The following ACOT13 variants were observed in gnomAD, a reference collection of about 807,000 sequenced individuals.
The protein encoded by ACOT13 is acyl-CoA thioesterase 13.
In ACOT13, 10 loss-of-function variants were observed where a neutral mutation model predicts 11.8. That is an observed-to-expected ratio of 0.85 (90% CI 0.53 to 1.44). The LOEUF is 1.44. Ranked by LOEUF, ACOT13 falls within the 40% of genes most tolerant of loss-of-function variation. ACOT13 has a pLI of 0.00. For missense variants in ACOT13, 172 were observed against 174.1 expected (o/e 0.99, Z 0.07); for synonymous variants, 53 against 61.0 (o/e 0.87, Z 0.61).
chr6:24,696,101 A>G (rs1475398030), intron 1 of ACOT13, among the ~76,000 whole-genome samples: 1 of 152,118 alleles, frequency 6.6e-6, no homozygotes, highest in African/African-American at 2.4e-5. Context: ...AAAACCCAAC[A>G]ACAAAAATCC....
intron 1 of ACOT13, among the ~76,000 whole-genome samples, chr6:24,672,261 A>C (rs1778377829): frequency 6.6e-6 from 1 of 152,264 alleles, no homozygotes; most frequent in African/African-American, 2.4e-5. Context: ...TCCAAACAAT[A>C]AGCCCTAATA....
In ACOT13 at chr6:24,701,805, C is replaced by G; in HGVS notation, c.*190C>G. 2 of 506,658 alleles carry G rather than the reference C, an allele frequency of 3.9e-6. No homozygotes were observed. The highest frequency in any genetic ancestry group is 3.9e-5 in the Admixed American group (1 of 25,728). 31.4% of individuals were successfully genotyped at this position (506,658 alleles called of 1,614,324 possible). A position where few individuals can be genotyped will look rare whatever the true frequency, so the allele number is the denominator to read the frequency against. On this transcript the variant is annotated 3_prime_UTR_variant, in exon 3 of 3. Transcript: ENST00000230048. ...TTTTTCACTTTAAGCATCTTGTTTT[C>G]TAATCATGTGTGATAATTGGGTGAA...
At chr6:24,687,570 C>A in intron 1 of ACOT13, 3 of 1,443,842 alleles carry the variant, frequency 2.1e-6, no homozygotes, top group South Asian at 3.0e-5. Flanking sequence ...AGGTGAATAC[C>A]TGAATGAGAT....
rs1372343845 is a variant in ACOT13, at chr6:24,703,777, A to T, written c.*2162A>T. 2 of 152,260 alleles carry T rather than the reference A, an allele frequency of 1.3e-5. 1 individual carries two copies. The highest frequency in any genetic ancestry group is 4.8e-5 in the African/African-American group (2 of 41,452). 9.4% of individuals were successfully genotyped at this position (152,260 alleles called of 1,614,324 possible). A position where few individuals can be genotyped will look rare whatever the true frequency, so the allele number is the denominator to read the frequency against. ...AGATTGCTAGTAGTAAGTACCACAC[A>T]TAGGGCAAAACCAGGACACCTTGAC... is the stretch of plus-strand genomic sequence containing the variant. On this transcript the variant is annotated 3_prime_UTR_variant, in exon 3 of 3. Transcript: ENST00000230048.
At chr6:24,667,944 G>C (rs1040650576) in intron 1 of ACOT13, among the ~76,000 whole-genome samples, 90 of 152,148 alleles carry the variant, frequency 5.9e-4, no homozygotes, top group Non-Finnish European at 3.1e-4. Flanking sequence ...CGCCCTTGTT[G>C]CCTAGGCTGG....
chr6:24,667,866 T>C (rs140060283), intron 1 of ACOT13, among the ~76,000 whole-genome samples: 25 of 152,316 alleles, frequency 1.6e-4, no homozygotes, highest in African/African-American at 6.0e-4. Flanking sequence ...GACTGAGTGC[T>C]TTTCTGAGAC....
At chr6:24,691,540 C>G (rs555081194) in intron 1 of ACOT13, among the ~76,000 whole-genome samples, 1 of 152,128 alleles carries the variant, frequency 6.6e-6, no homozygotes, top group Non-Finnish European at 1.5e-5. Flanking sequence ...ATCCACCCCC[C>G]ACCCTGCCCC....
intron 1 of ACOT13, among the ~76,000 whole-genome samples, chr6:24,692,749 TA>T (rs1006773062): frequency 9.2e-5 from 14 of 152,234 alleles, no homozygotes; most frequent in African/African-American, 3.4e-4. Context: ...TCTTAATTTT[TA>T]CAAAACCCTA....
intron 1 of ACOT13, among the ~76,000 whole-genome samples, chr6:24,682,591 G>A (rs1028390722): frequency 1.7e-4 from 26 of 152,286 alleles, no homozygotes; most frequent in African/African-American, 6.0e-4. Context: ...GATTGGGAGT[G>A]GCAATGGACA....
chr6:24,701,504 A>G lies in ACOT13; in HGVS notation c.312A>G (p.Ala104=). The change falls in exon 3 of 3, where the codon GCA becomes GCG. Residue 104 remains alanine (A), a synonymous_variant. Transcript: ENST00000230048. ...AKLGEDIVIT[A]HVLKQGKTLA... ...TAGGAGAAGATATAGTGATTACAGC[A>G]CATGTTCTGAAGCAAGGAAAAACAC... is the stretch of plus-strand genomic sequence containing the variant. 1 of 1,613,266 alleles carries G rather than the reference A, an allele frequency of 6.2e-7. No homozygotes were observed. Among genetic ancestry groups the G allele is most frequent in the South Asian group, 1.1e-5 (1 of 91,040 alleles).
chr6:24,689,185 A>G (rs1040090095), intron 1 of ACOT13, among the ~76,000 whole-genome samples: 2 of 152,152 alleles, frequency 1.3e-5, no homozygotes, highest in African/African-American at 4.8e-5. Flanking sequence ...TTTAAAATAT[A>G]TACTCTTAAT....
At chr6:24,671,292 A>G (rs1778360455) in intron 1 of ACOT13, among the ~76,000 whole-genome samples, 1 of 152,224 alleles carries the variant, frequency 6.6e-6, no homozygotes, top group African/African-American at 2.4e-5. Context: ...ATAAAAAAGG[A>G]TGAGTTCATG....
At chr6:24,690,537 C>A (rs2127626438) in intron 1 of ACOT13, among the ~76,000 whole-genome samples, 1 of 152,218 alleles carries the variant, frequency 6.6e-6, no homozygotes. Flanking sequence ...ATAGTGATTT[C>A]TTTTTTAATC....
chr6:24,676,938 C>T (rs911664623), intron 1 of ACOT13, among the ~76,000 whole-genome samples: 2 of 152,190 alleles, frequency 1.3e-5, no homozygotes, highest in African/African-American at 4.8e-5. Context: ...GCATGGAGGA[C>T]TAGGTAAGCG....
At chr6:24,694,986 C>G (rs1056308628) in intron 1 of ACOT13, among the ~76,000 whole-genome samples, 1 of 152,116 alleles carries the variant, frequency 6.6e-6, no homozygotes, top group Non-Finnish European at 1.5e-5. Context: ...ACTTTAAGAA[C>G]TAAGCTTTAC....
intron 1 of ACOT13, among the ~76,000 whole-genome samples, chr6:24,682,678 A>AGGTCTGCGGTGGCG (rs1292268291): frequency 2.7e-5 from 4 of 150,824 alleles, no homozygotes; most frequent in Non-Finnish European, 5.9e-5. Flanking sequence ...CTGCAGTGGC[A>AGGTCTGCGGTGGCG]GGTCTGCGGT....
At chr6:24,669,911 A>G (rs1192155837) in intron 1 of ACOT13, among the ~76,000 whole-genome samples, 1 of 152,246 alleles carries the variant, frequency 6.6e-6, no homozygotes, top group East Asian at 1.9e-4. Context: ...GCAGGGCTTT[A>G]CAAAAGCACA....
In ACOT13 at chr6:24,667,344, G is replaced by A; in HGVS notation, c.81G>A (p.Lys27=). ...GCAATTTTGAGAGAGTTTTGGGAAA[G>A]GTATGGGAAAGGTAGGGGAGAAGCC... is the stretch of plus-strand genomic sequence containing the variant. The part of the protein sequence containing the change: ...KARNFERVLG[K]ITLVSAAPGK... The change falls in exon 1 of 3, where the codon AAG becomes AAA. Residue 27 remains lysine, a splice_region_variant and synonymous_variant. Coordinates refer to ENST00000230048, the MANE Select transcript of ACOT13 (RefSeq NM_018473.4). 6.2e-7 allele frequency: 1 copy of A among 1,614,054 alleles called. No individual in the cohort carries two copies. Among genetic ancestry groups the A allele is most frequent in the South Asian group, 1.1e-5 (1 of 91,034 alleles).
chr6:24,667,368 C>T (rs373384761), intron 1 of ACOT13, 24 bp downstream of exon 1: 1 of 1,609,822 alleles, frequency 6.2e-7, no homozygotes, highest in Non-Finnish European at 8.5e-7. Flanking sequence ...AGGGGAGAAG[C>T]CGTGGCTTCT....
Sources: gnomAD v4.1 joint callset for allele counts (sites outside exome capture counted in the v4.1 genomes callset) on GRCh38, gnomAD v4.1.1 for gene constraint, MANE v1.5 for transcripts, NCBI Gene and HGNC (gene_info 2026-07-23, HGNC 2026-07-21) for gene names.